The following LOC400499 variants were observed in gnomAD, a reference collection of about 807,000 sequenced individuals.
chr16:11,459,188 A>ATT, the LOC400499 span, among the ~76,000 whole-genome samples: 292 of 119,892 alleles, frequency 2.4e-3, 11 homozygotes, highest in African/African-American at 9.3e-3. Flanking sequence ...TCCTAAACCA[A>ATT]TTTTTTTTTT....
chr16:11,480,808 G>C, the LOC400499 span, among the ~76,000 whole-genome samples: 32 of 152,292 alleles, frequency 2.1e-4, no homozygotes, highest in African/African-American at 6.3e-4. Context: ...TCACACAATG[G>C]AATACTATGC....
chr16:11,467,557 A>T, the LOC400499 span, among the ~76,000 whole-genome samples: 1 of 152,128 alleles, frequency 6.6e-6, no homozygotes, highest in African/African-American at 2.4e-5. Flanking sequence ...GGCTGCAGTG[A>T]GCCATGTTTG....
chr16:11,489,006 C>A, the LOC400499 span: 2 of 395,578 alleles, frequency 5.1e-6, no homozygotes, highest in East Asian at 3.6e-5. Flanking sequence ...AGTCTGGCTA[C>A]AGAGACCTAC....
the LOC400499 span, among the ~76,000 whole-genome samples, chr16:11,517,300 AC>A: frequency 6.6e-6 from 1 of 151,730 alleles, no homozygotes; most frequent in African/African-American, 2.4e-5. Context: ...AAGTCTCAGC[AC>A]TCTGGGGAGC....
At chr16:11,399,441 C>T in the LOC400499 span, 152 of 407,924 alleles carry the variant, frequency 3.7e-4, 3 homozygotes, top group East Asian at 5.3e-3. Context: ...CCTGGGGGTT[C>T]CCTGCCCAGA....
the LOC400499 span, among the ~76,000 whole-genome samples, chr16:11,498,671 G>A: frequency 6.6e-6 from 1 of 151,618 alleles, no homozygotes; most frequent in East Asian, 1.9e-4. Context: ...CTGACTCGAT[G>A]ACAGAACAAG....
chr16:11,460,717 C>T, the LOC400499 span: 4 of 1,411,346 alleles, frequency 2.8e-6, no homozygotes, highest in East Asian at 1.0e-4. Flanking sequence ...CCACACCCCC[C>T]ATGCTTTGCT....
At chr16:11,401,319 G>A in the LOC400499 span, 1 of 399,118 alleles carries the variant, frequency 2.5e-6, no homozygotes, top group African/African-American at 2.1e-5. Context: ...GCCTCGGCTT[G>A]CCGCCAAGGG....
At chr16:11,523,990 C>T in the LOC400499 span, among the ~76,000 whole-genome samples, 1 of 121,520 alleles carries the variant, frequency 8.2e-6, no homozygotes, top group Non-Finnish European at 1.7e-5. Flanking sequence ...ATCTATCTGC[C>T]CACTCCCCAC....
At chr16:11,496,864 G>A in the LOC400499 span, among the ~76,000 whole-genome samples, 1 of 151,244 alleles carries the variant, frequency 6.6e-6, no homozygotes, top group East Asian at 1.9e-4. Flanking sequence ...CTCCAGGTAC[G>A]TGAGTCTTGG....
the LOC400499 span, chr16:11,401,208 A>G: frequency 2.5e-6 from 1 of 398,898 alleles, no homozygotes; most frequent in Non-Finnish European, 4.4e-6. Flanking sequence ...CCACAGGCTC[A>G]GTCACGCGGC....
At chr16:11,464,805 G>A in the LOC400499 span, among the ~76,000 whole-genome samples, 284 of 152,228 alleles carry the variant, frequency 1.9e-3, 4 homozygotes, top group African/African-American at 6.7e-3. Context: ...GCTCTATAGG[G>A]ACCAGCAGGA....
the LOC400499 span, among the ~76,000 whole-genome samples, chr16:11,510,429 T>C: frequency 6.6e-6 from 1 of 151,790 alleles, no homozygotes; most frequent in African/African-American, 2.4e-5. Context: ...GAATGCTCTT[T>C]CCTGCATCTT....
chr16:11,494,252 G>GC, the LOC400499 span, among the ~76,000 whole-genome samples: 1 of 151,006 alleles, frequency 6.6e-6, no homozygotes, highest in Non-Finnish European at 1.5e-5. Flanking sequence ...TCTGTCCCCA[G>GC]CCACGCTCCA....
At chr16:11,493,814 T>C in the LOC400499 span, 3 of 345,904 alleles carry the variant, frequency 8.7e-6, no homozygotes, top group Non-Finnish European at 1.5e-5. Context: ...GAGATGGAGG[T>C]AGGACCATGA....
At chr16:11,387,740 C>T in the LOC400499 span, among the ~76,000 whole-genome samples, 1 of 152,162 alleles carries the variant, frequency 6.6e-6, no homozygotes, top group Non-Finnish European at 1.5e-5. Flanking sequence ...TCTCCTGCCT[C>T]AGCCTCCCAA....
At chr16:11,484,844 T>C in the LOC400499 span, 2 of 398,980 alleles carry the variant, frequency 5.0e-6, no homozygotes, top group Admixed American at 4.4e-5. Flanking sequence ...TGGGCCTGCC[T>C]GGGGGAGTAC....
the LOC400499 span, chr16:11,384,271 A>G: frequency 8.1e-7 from 1 of 1,232,416 alleles, no homozygotes. Context: ...ATCCGGCAAC[A>G]TCAGCTCATT....
chr16:11,448,461 T>C, the LOC400499 span, among the ~76,000 whole-genome samples: 1 of 152,150 alleles, frequency 6.6e-6, no homozygotes, highest in South Asian at 2.1e-4. Flanking sequence ...GGAGGGTAAC[T>C]TGAGCCCAGG....
Sources: allele counts gnomAD v4.1 joint callset (sites outside exome capture counted in the v4.1 genomes callset), GRCh38; gene constraint gnomAD v4.1.1; transcripts MANE v1.5.